Variants in PLCB1 observed in about 807,000 individuals in gnomAD.
PLCB1 encodes 1-phosphatidylinositol 4,5-bisphosphate phosphodiesterase beta-1.
PLCB1 carries 46 observed loss-of-function variants against 161.8 expected under a neutral mutation model. The observed-to-expected ratio is 0.28, with a 90% CI of 0.22 to 0.36. PLCB1 has a LOEUF of 0.36. Among genes scored for constraint, PLCB1 ranks in the 10% least tolerant of loss-of-function variants. PLCB1 has a pLI of 1.00. For synonymous variants in PLCB1, 517 were observed against 503.7 expected, an observed-to-expected ratio of 1.03 and a Z score of -0.35; for missense variants, 1,016 against 1,472.5, an observed-to-expected ratio of 0.69 and a Z score of 5.07.
At chr20:8,517,338 G>A (rs555821806) in intron 3 of PLCB1, among the ~76,000 whole-genome samples, 2 of 152,286 alleles carry the variant, frequency 1.3e-5, no homozygotes, top group East Asian at 3.9e-4. Flanking sequence ...ATTGCTGGGT[G>A]TTGTGCTGAA....
intron 4 of PLCB1, among the ~76,000 whole-genome samples, chr20:8,641,931 A>G (rs1439274059): frequency 1.3e-5 from 2 of 152,132 alleles, no homozygotes; most frequent in Non-Finnish European, 2.9e-5. Context: ...TTTTCCTTCA[A>G]TTACAGGAAA....
intron 3 of PLCB1, among the ~76,000 whole-genome samples, chr20:8,586,402 C>T (rs532441586): frequency 2.9e-4 from 44 of 151,752 alleles, no homozygotes; most frequent in African/African-American, 8.7e-4. Context: ...ATCACGTCAC[C>T]GACTCTAGCC....
intron 3 of PLCB1, among the ~76,000 whole-genome samples, chr20:8,574,386 G>A (rs981521194): frequency 1.3e-5 from 2 of 152,172 alleles, no homozygotes; most frequent in African/African-American, 4.8e-5. Context: ...GTGACAGAGC[G>A]AGACTCCTTC....
At chr20:8,782,197 T>G (rs1330574916) in intron 27 of PLCB1, among the ~76,000 whole-genome samples, 1 of 152,202 alleles carries the variant, frequency 6.6e-6, no homozygotes, top group African/African-American at 2.4e-5. Context: ...GACTTTTTTG[T>G]CCAAGACTTT....
At chr20:8,831,959 TTTCTTTCTTTCTTTCTTTCTTTCC>T (rs1986027078) in intron 31 of PLCB1, among the ~76,000 whole-genome samples, 8 of 92,780 alleles carry the variant, frequency 8.6e-5, no homozygotes, top group Admixed American at 6.8e-4. Context: ...TCTTTCTTTC[TTTCTTTCTTTCTTTCTTTCTTTCC>T]TTCTTTCTTT....
At chr20:8,532,757 AAG>A (rs1452397170) in intron 3 of PLCB1, among the ~76,000 whole-genome samples, 1 of 152,152 alleles carries the variant, frequency 6.6e-6, no homozygotes, top group Non-Finnish European at 1.5e-5. Context: ...AGGAAGAAGA[AAG>A]AGACCTGGAA....
Position 8,647,965 on chromosome 20 carries a change from G to T in PLCB1, c.518+12G>T. Reference sequence around the variant, plus strand: ...ATTCCTCTCAAAAAGTAAGCTTTGTGAGCATTTCTCATTATTCATTTTATT... The same window carrying T: ...ATTCCTCTCAAAAAGTAAGCTTTGTTAGCATTTCTCATTATTCATTTTATT... On this transcript the variant is annotated intron_variant, in intron 6 of 31. Transcript: ENST00000338037. 1 of 1,540,854 alleles carries T rather than the reference G, an allele frequency of 6.5e-7. No individual in the cohort carries two copies. The highest frequency in any genetic ancestry group is 8.8e-7 in the Non-Finnish European group (1 of 1,141,886).
At chr20:8,745,358 G>C (rs767651245) in intron 23 of PLCB1, among the ~76,000 whole-genome samples, 2 of 152,102 alleles carry the variant, frequency 1.3e-5, no homozygotes, top group Non-Finnish European at 2.9e-5. Flanking sequence ...CTGGGACACT[G>C]TTTTAGCAGC....
intron 2 of PLCB1, among the ~76,000 whole-genome samples, chr20:8,338,312 T>C (rs1985661091): frequency 6.6e-6 from 1 of 152,186 alleles, no homozygotes; most frequent in African/African-American, 2.4e-5. Context: ...TCTGTGGGAA[T>C]ATATTCCGCC....
chr20:8,470,237 C>G (rs1981993047), intron 3 of PLCB1, among the ~76,000 whole-genome samples: 1 of 152,102 alleles, frequency 6.6e-6, no homozygotes, highest in South Asian at 2.1e-4. Flanking sequence ...CATTTATGTA[C>G]AAGCTTTTGT....
At chr20:8,154,479 A>G (rs1162312745) in intron 2 of PLCB1, among the ~76,000 whole-genome samples, 1 of 152,096 alleles carries the variant, frequency 6.6e-6, no homozygotes. Flanking sequence ...CCCTAAGGTA[A>G]ATGCTCAGAA....
chr20:8,806,068 G>C (rs1984524235), intron 31 of PLCB1, among the ~76,000 whole-genome samples: 1 of 152,080 alleles, frequency 6.6e-6, no homozygotes, highest in Non-Finnish European at 1.5e-5. Context: ...AACAGCACAA[G>C]GCATTAAACA....
chr20:8,747,700 A>C (rs1179585879), intron 23 of PLCB1, among the ~76,000 whole-genome samples: 2 of 152,168 alleles, frequency 1.3e-5, no homozygotes, highest in Non-Finnish European at 1.5e-5. Context: ...TGAGTCTAGA[A>C]GGCAGAGGCT....
At chr20:8,829,413 C>T (rs6077432) in intron 31 of PLCB1, among the ~76,000 whole-genome samples, 39,871 of 152,136 alleles carry the variant, frequency 0.26, 6,921 homozygotes, top group East Asian at 0.61. Flanking sequence ...CAGATGAACA[C>T]CTTCGTGCTT....
chr20:8,580,817 A>G (rs567359237), intron 3 of PLCB1, among the ~76,000 whole-genome samples: 2 of 152,352 alleles, frequency 1.3e-5, no homozygotes, highest in Admixed American at 1.3e-4. Context: ...GGAGGAGATC[A>G]TCAAGGTGGG....
intron 31 of PLCB1, among the ~76,000 whole-genome samples, chr20:8,874,898 G>C (rs1172818556): frequency 6.6e-6 from 1 of 151,748 alleles, no homozygotes. Context: ...GCCTATGTTT[G>C]CCTTCTTATA....
At chr20:8,652,824 T>C (rs1989357119) in intron 7 of PLCB1, 1 of 152,086 alleles carries the variant, frequency 6.6e-6, no homozygotes, top group Non-Finnish European at 1.5e-5. Context: ...CTTTAGAAGA[T>C]GCTACTCTTT....
intron 3 of PLCB1, among the ~76,000 whole-genome samples, chr20:8,422,216 G>A (rs1333574057): frequency 1.3e-5 from 2 of 152,208 alleles, no homozygotes; most frequent in Non-Finnish European, 2.9e-5. Context: ...AGAGCCAGAT[G>A]TATTTAGTAG....
chr20:8,727,418 G>T (rs1349777706), intron 17 of PLCB1, 25 bp downstream of exon 17: 1 of 1,212,650 alleles, frequency 8.2e-7, no homozygotes, highest in East Asian at 2.3e-5. Context: ...ACGAATGACT[G>T]CAGAATGAAC....
Sources: gnomAD v4.1 joint callset for allele counts (sites outside exome capture counted in the v4.1 genomes callset) on GRCh38, gnomAD v4.1.1 for gene constraint, MANE v1.5 for transcripts, NCBI Gene and HGNC (gene_info 2026-07-23, HGNC 2026-07-21) for gene names.